PPP2R2C: variants seen among roughly 807,000 people sequenced by gnomAD.
The protein encoded by PPP2R2C is protein phosphatase 2 regulatory subunit Bgamma, also known as protein phosphatase 2, regulatory subunit B, gamma.
Under a neutral mutation model 45.3 loss-of-function variants are expected in PPP2R2C, and 10 were observed. That is an observed-to-expected ratio of 0.22 (90% CI 0.14 to 0.37). The LOEUF (loss-of-function observed/expected upper bound fraction) is 0.37. Among genes scored for constraint, PPP2R2C ranks in the 10% least tolerant of loss-of-function variants. The probability of loss-of-function intolerance (pLI) is 1.00; values close to 1 mark genes in which losing one functional copy is unlikely to be tolerated. For synonymous variants in PPP2R2C, 257 were observed against 245.4 expected (o/e 1.05, Z -0.44); for missense variants, 308 against 619.7 (o/e 0.50, Z 5.34).
chr4:6,516,735 T>C (rs1303093498), intron 2 of PPP2R2C, among the ~76,000 whole-genome samples: 2 of 152,210 alleles, frequency 1.3e-5, no homozygotes, highest in Admixed American at 1.3e-4. Flanking sequence ...CGTTAACACA[T>C]TTCATATCTG....
rs2109138681 is a variant in PPP2R2C, at chr4:6,320,816, A to G, written c.*2486T>C. Reference sequence around the variant, plus strand: ...CAGAGAAGAGCTAAATTAAAAACAAAACCAAAAAAACCCCAACAACTTCAC... The same window carrying G: ...CAGAGAAGAGCTAAATTAAAAACAAGACCAAAAAAACCCCAACAACTTCAC... On this transcript the variant is annotated 3_prime_UTR_variant, in exon 9 of 9. Transcript: ENST00000382599. 1 of 152,208 alleles carries G rather than the reference A, an allele frequency of 6.6e-6. No homozygotes were observed. The highest frequency in any genetic ancestry group is 6.5e-5 in the Admixed American group (1 of 15,282). The allele number at this position is 152,208 out of a possible 1,614,324, so 9.4% of individuals were successfully genotyped here. A position where few individuals can be genotyped will look rare whatever the true frequency, so the allele number is the denominator to read the frequency against.
At chr4:6,338,027 A>AAC (rs572664814) in intron 6 of PPP2R2C, among the ~76,000 whole-genome samples, 2 of 151,852 alleles carry the variant, frequency 1.3e-5, no homozygotes, top group Admixed American at 6.6e-5. Context: ...TACGCACGCA[A>AAC]ACACACACAC....
At chr4:6,469,614 G>C (rs928523024) in intron 1 of PPP2R2C, among the ~76,000 whole-genome samples, 2 of 152,170 alleles carry the variant, frequency 1.3e-5, no homozygotes, top group Non-Finnish European at 2.9e-5. Context: ...ATGAAAGGTC[G>C]TTATTATTTC....
In PPP2R2C at chr4:6,328,131, C is replaced by G. The variant is rs1340609772; in HGVS notation, c.1052+1131G>C. 6.6e-6 allele frequency among the ~76,000 whole-genome samples: 1 copy of G among 152,144 alleles called. No individual in the cohort carries two copies. The highest frequency in any genetic ancestry group is 1.5e-5 in the Non-Finnish European group (1 of 68,008). On this transcript the variant is annotated intron_variant, in intron 8 of 8. Coordinates refer to ENST00000382599, the MANE Select transcript of PPP2R2C (RefSeq NM_020416.4). The surrounding 1 kb of genome is among the most constrained non-coding windows in gnomAD (Gnocchi z 4.4). ...ACCTGTCATGTTGACTGATGCCATC[C>G]ACAGGGTGGACAGCCCCCCACCAGG...
chr4:6,323,793 C>T lies in PPP2R2C; in HGVS notation c.1053-200G>A, dbSNP rs189591522. On this transcript the variant is annotated intron_variant, in intron 8 of 8. Transcript: ENST00000382599. ...TCTACAAAAAAAAATTAAAAATGAC[C>T]GTAGTCCCAGCTATTCAGGAGGTTG... Among the ~76,000 whole-genome samples, 44 of 152,126 alleles carry T rather than the reference C, an allele frequency of 2.9e-4. No homozygotes were observed. In the East Asian group the frequency reaches 3.3e-3, roughly 11 times the overall value.
intron 1 of PPP2R2C, among the ~76,000 whole-genome samples, chr4:6,431,566 G>A (rs769434185): frequency 6.6e-6 from 1 of 152,196 alleles, no homozygotes; most frequent in Non-Finnish European, 1.5e-5. Flanking sequence ...AAGCTGTGGA[G>A]GGGACATGGT....
intron 2 of PPP2R2C, among the ~76,000 whole-genome samples, chr4:6,508,322 C>G (rs955023212): frequency 6.6e-6 from 1 of 152,176 alleles, no homozygotes; most frequent in Admixed American, 6.5e-5. Context: ...TGCGGTGGCT[C>G]ACGCCTGTAA....
chr4:6,410,717 C>A lies in PPP2R2C; in HGVS notation c.71-29623G>T, dbSNP rs573824111. Among the ~76,000 whole-genome samples the A allele has an allele frequency of 5.1e-4, 78 of 152,214 alleles. 3 individuals are homozygous for A. Among genetic ancestry groups the A allele is most frequent in the African/African-American group, 1.8e-3 (74 of 41,540 alleles). ...AGAAGCCCATCCCTGCCACTTACCA[C>A]CCCAGTGAGCCTGGCCAGGTCACCC... On this transcript the variant is annotated intron_variant, in intron 1 of 8. Transcript: ENST00000382599.
At chr4:6,408,359 T>A (rs574485131) in intron 1 of PPP2R2C, among the ~76,000 whole-genome samples, 36 of 152,270 alleles carry the variant, frequency 2.4e-4, no homozygotes, top group African/African-American at 8.2e-4. Context: ...CCGGTACAGG[T>A]TCTTCACTGC....
intron 1 of PPP2R2C, among the ~76,000 whole-genome samples, chr4:6,403,248 T>C (rs1297837431): frequency 2.6e-5 from 4 of 152,084 alleles, no homozygotes; most frequent in Admixed American, 2.6e-4. Flanking sequence ...CTGGCTGAAA[T>C]GGGAGGATTG....
intron 1 of PPP2R2C, among the ~76,000 whole-genome samples, chr4:6,387,408 T>C (rs976277780): frequency 1.3e-5 from 2 of 152,198 alleles, no homozygotes; most frequent in Admixed American, 6.5e-5. Flanking sequence ...CAGAGACTGC[T>C]GACTTGTCAG....
At chr4:6,340,075 T>C (rs1240600924) in intron 6 of PPP2R2C, among the ~76,000 whole-genome samples, 2 of 152,124 alleles carry the variant, frequency 1.3e-5, no homozygotes, top group Non-Finnish European at 2.9e-5. Context: ...GTTCCTACAA[T>C]GGCACAGGTG....
intron 2 of PPP2R2C, among the ~76,000 whole-genome samples, chr4:6,521,340 G>C (rs188258390): frequency 6.6e-6 from 1 of 152,188 alleles, no homozygotes; most frequent in South Asian, 2.1e-4. Context: ...AATTAGACAC[G>C]CACTCTTTAC....
chr4:6,400,416 T>C (rs1468725189), intron 1 of PPP2R2C, among the ~76,000 whole-genome samples: 1 of 152,364 alleles, frequency 6.6e-6, no homozygotes, highest in South Asian at 2.1e-4. Context: ...TGAATTCATA[T>C]AAATCTTTTT....
chr4:6,396,256 T>G (rs1460205666), intron 1 of PPP2R2C, among the ~76,000 whole-genome samples: 1 of 152,122 alleles, frequency 6.6e-6, no homozygotes, highest in Non-Finnish European at 1.5e-5. Context: ...CCCTGGTCCT[T>G]CCACTGTGGG....
At chr4:6,502,635 AG>A (rs1723096911) in intron 2 of PPP2R2C, among the ~76,000 whole-genome samples, 1 of 151,900 alleles carries the variant, frequency 6.6e-6, no homozygotes, top group Non-Finnish European at 1.5e-5. Context: ...CATTTCTTCT[AG>A]GGGGCTAGAA....
chr4:6,414,459 G>A lies in PPP2R2C; in HGVS notation c.71-33365C>T, dbSNP rs542360827. On this transcript the variant is annotated intron_variant, in intron 1 of 8. Coordinates refer to ENST00000382599, the MANE Select transcript of PPP2R2C (RefSeq NM_020416.4). Reference sequence around the variant, plus strand: ...GTCACGCAGAAAGCAGGAGGCTGGCGGGAGGAGCATCAGGCAAGCAGCAGT... The same window carrying A: ...GTCACGCAGAAAGCAGGAGGCTGGCAGGAGGAGCATCAGGCAAGCAGCAGT... Among the ~76,000 whole-genome samples, 8 of 152,220 alleles carry A rather than the reference G, an allele frequency of 5.3e-5. No homozygotes were observed. The East Asian group carries it at 1.4e-3, about 26-fold the overall frequency.
chr4:6,437,138 C>T (rs1719932868), intron 1 of PPP2R2C, among the ~76,000 whole-genome samples: 1 of 152,234 alleles, frequency 6.6e-6, no homozygotes, highest in Non-Finnish European at 1.5e-5. Flanking sequence ...TTGCCACTCT[C>T]AGCGTCATGG....
chr4:6,520,764 C>T (rs1723993430), intron 2 of PPP2R2C, among the ~76,000 whole-genome samples: 1 of 152,166 alleles, frequency 6.6e-6, no homozygotes, highest in Admixed American at 6.5e-5. Flanking sequence ...TATGCAAGGC[C>T]CACCACGTGC....
Sources: allele counts gnomAD v4.1 joint callset (sites outside exome capture counted in the v4.1 genomes callset), GRCh38; gene constraint gnomAD v4.1.1; non-coding constraint Gnocchi (gnomAD v3.1); transcripts MANE v1.5; gene names NCBI Gene and HGNC (gene_info 2026-07-23, HGNC 2026-07-21).